SDK1: variants seen among roughly 807,000 people sequenced by gnomAD.
SDK1 encodes the protein sidekick cell adhesion molecule 1, also known as protein sidekick-1.
SDK1 carries 157 observed loss-of-function variants against 245.5 expected under a neutral mutation model. The observed-to-expected ratio is 0.64, with a 90% CI of 0.56 to 0.73. The LOEUF (loss-of-function observed/expected upper bound fraction) is 0.73, where lower values mean the gene tolerates loss of function less well. Ranked by LOEUF, SDK1 falls within the 30% of genes least tolerant of loss-of-function variation. SDK1 has a pLI of 0.00. For missense variants in SDK1, 3,583 were observed against 3,002.3 expected, an observed-to-expected ratio of 1.19 and a Z score of -4.52; for synonymous variants, 1,647 against 1,278.5, an observed-to-expected ratio of 1.29 and a Z score of -6.15.
chr7:3,450,643 CT>C, intron 1 of SDK1, among the ~76,000 whole-genome samples: 1 of 152,042 alleles, frequency 6.6e-6, no homozygotes, highest in South Asian at 2.1e-4. Context: ...TGTTTGGAGG[CT>C]TTTAGGGTTT....
chr7:3,551,999 T>C (rs1225449979), intron 1 of SDK1, among the ~76,000 whole-genome samples: 1 of 152,160 alleles, frequency 6.6e-6, no homozygotes, highest in Admixed American at 6.5e-5. Flanking sequence ...GGTTGTAGTG[T>C]GATACAACTC....
At chr7:4,113,890 A>G (rs1009087053) in intron 24 of SDK1, 147 bp from the exon 25 acceptor site, 1 of 628,154 alleles carries the variant, frequency 1.6e-6, no homozygotes, top group African/African-American at 1.8e-5. Flanking sequence ...AGTTTCAGGG[A>G]AGAATAAAGT....
At chr7:3,516,839 C>T (rs1351496598) in intron 1 of SDK1, among the ~76,000 whole-genome samples, 1 of 152,084 alleles carries the variant, frequency 6.6e-6, no homozygotes, top group Non-Finnish European at 1.5e-5. Flanking sequence ...CTTAAGAATT[C>T]ATTAACTGTA....
chr7:3,904,741 C>T (rs951619568), intron 5 of SDK1, among the ~76,000 whole-genome samples: 1 of 151,666 alleles, frequency 6.6e-6, no homozygotes, highest in Non-Finnish European at 1.5e-5. Context: ...CGCCTGTAAT[C>T]CCAGCACTTT....
At chr7:4,127,570 A>C (rs1784473051) in intron 26 of SDK1, 74 bp downstream of exon 26, 1 of 1,079,040 alleles carries the variant, frequency 9.3e-7, no homozygotes, top group African/African-American at 1.5e-5. Context: ...CTATTCCCCC[A>C]AAGCAACGAG....
chr7:3,601,967 G>A (rs1291896176), intron 1 of SDK1, among the ~76,000 whole-genome samples: 1 of 151,568 alleles, frequency 6.6e-6, no homozygotes, highest in Non-Finnish European at 1.5e-5. Flanking sequence ...TGAGAATGAT[G>A]GTTTCCAGTT....
chr7:4,016,907 A>C (rs1786444982), intron 16 of SDK1, among the ~76,000 whole-genome samples: 1 of 152,258 alleles, frequency 6.6e-6, no homozygotes, highest in Non-Finnish European at 1.5e-5. Flanking sequence ...GACGAGTTAC[A>C]TGTAAAAAGC....
At chr7:4,081,082 C>T (rs1781026102) in intron 22 of SDK1, among the ~76,000 whole-genome samples, 1 of 152,198 alleles carries the variant, frequency 6.6e-6, no homozygotes, top group African/African-American at 2.4e-5. Flanking sequence ...TCTGACGATG[C>T]CGCATAGCTG....
At chr7:3,973,206 C>A (rs1373428361) in intron 12 of SDK1, among the ~76,000 whole-genome samples, 1 of 152,166 alleles carries the variant, frequency 6.6e-6, no homozygotes, top group Non-Finnish European at 1.5e-5. Flanking sequence ...ATGCGATGCC[C>A]CGGCGTGAGC....
chr7:3,682,965 C>T (rs1207765466), intron 4 of SDK1, among the ~76,000 whole-genome samples: 3 of 152,158 alleles, frequency 2.0e-5, no homozygotes, highest in Non-Finnish European at 2.9e-5. Context: ...AACTCCTGAC[C>T]TCAAGTGATC....
intron 1 of SDK1, among the ~76,000 whole-genome samples, chr7:3,440,635 A>C (rs1452151544): frequency 6.6e-6 from 1 of 152,144 alleles, no homozygotes; most frequent in African/African-American, 2.4e-5. Flanking sequence ...TGCCAGAGAG[A>C]AGATAGAAAG....
chr7:3,656,407 C>T (rs962278512), intron 4 of SDK1, among the ~76,000 whole-genome samples: 13 of 152,158 alleles, frequency 8.5e-5, no homozygotes, highest in African/African-American at 3.1e-4. Context: ...TCATTTGTTC[C>T]TCTGACAAAT....
rs113268022 is a variant in SDK1, at chr7:4,238,609, T to C, written c.6130+825T>C. ...TGGAGTTTCACTCTTGTTGCCATGG[T>C]GCAGTCTAGGCTTACTGCAACCTCC... On this transcript the variant is annotated intron_variant, in intron 42 of 44. Transcript: ENST00000404826. 2.6e-5 allele frequency among the ~76,000 whole-genome samples: 4 copies of C among 151,110 alleles called. No individual in the cohort carries two copies. The South Asian group carries it at 8.4e-4, about 32-fold the overall frequency.
chr7:3,321,892 T>C (rs1047521549), intron 1 of SDK1, among the ~76,000 whole-genome samples: 11 of 149,958 alleles, frequency 7.3e-5, no homozygotes, highest in African/African-American at 2.5e-4. Context: ...ATTTGCAGGA[T>C]TCAGAGGTGA....
In SDK1 at chr7:3,363,932, G is replaced by T. The variant is rs529594253; in HGVS notation, c.298+62048G>T. On this transcript the variant is annotated intron_variant, in intron 1 of 44. Transcript: ENST00000404826. ...ACGTTGTCACCAGAAATGTGTGAAT[G>T]TGATCCAGTTTCACATCCTCATCAT... 2.6e-5 allele frequency among the ~76,000 whole-genome samples: 4 copies of T among 152,314 alleles called. No homozygotes were observed. In the East Asian group the frequency reaches 7.7e-4, roughly 29 times the overall value.
In SDK1 at chr7:4,265,229, C is replaced by A. The variant is rs921538880; in HGVS notation, c.6487C>A (p.Arg2163Ser). The A allele has an allele frequency of 6.2e-7, 1 of 1,608,356 alleles. No homozygotes were observed. Among genetic ancestry groups the A allele is most frequent in the African/African-American group, 1.3e-5 (1 of 75,014 alleles). The change falls in exon 45 of 45, where the codon CGC becomes AGC. Residue 2163 changes from arginine to serine, a missense_variant. Physicochemically the swap from Arg to Ser is moderately radical, Grantham distance 110. Transcript: ENST00000404826. ...YNSWKRRAQG[R>S]APAPHRYEAV... ...CTCATGGAAGCGCAGGGCCCAGGGC[C>A]GCGCACCTGCGCCGCACAGGTACGA...
At chr7:4,226,250 C>A (rs1030335269) in intron 40 of SDK1, among the ~76,000 whole-genome samples, 1 of 152,218 alleles carries the variant, frequency 6.6e-6, no homozygotes, top group Non-Finnish European at 1.5e-5. Flanking sequence ...CAGGGGCCCT[C>A]ACCGCTGGGT....
At chr7:4,096,358 G>A (rs560846946) in intron 22 of SDK1, among the ~76,000 whole-genome samples, 2 of 152,246 alleles carry the variant, frequency 1.3e-5, no homozygotes, top group Non-Finnish European at 2.9e-5. Context: ...CAGCAGAAGA[G>A]AGGAACTTTA....
rs1334286994 is a variant in SDK1, at chr7:3,582,064, TCTCAGGTAGGTCTCC to T, written c.299-37005_299-36991del. 1.2e-3 allele frequency among the ~76,000 whole-genome samples: 69 copies of T among 57,492 alleles called. 1 individual carries two copies. Among genetic ancestry groups the T allele is most frequent in the Middle Eastern group, 0.01 (1 of 98 alleles). 37.7% of individuals were successfully genotyped at this position (57,492 alleles called of 152,430 possible). A position where few individuals can be genotyped will look rare whatever the true frequency, so the allele number is the denominator to read the frequency against. On this transcript the variant is annotated intron_variant, in intron 1 of 44. Transcript: ENST00000404826. ...GGTAGGTCTCCCTCAGGTAGGCCTG[TCTCAGGTAGGTCTCC>T]CTCAGGTAGGCCTGTCTCAGGTAGG...
Sources: allele counts gnomAD v4.1 joint callset (sites outside exome capture counted in the v4.1 genomes callset), GRCh38; gene constraint gnomAD v4.1.1; transcripts MANE v1.5; gene names NCBI Gene and HGNC (gene_info 2026-07-23, HGNC 2026-07-21).